The following ADGRB3 variants were observed in gnomAD, a reference collection of about 807,000 sequenced individuals.
ADGRB3 encodes the protein brain-specific angiogenesis inhibitor 3.
A neutral mutation model predicts 193.4 loss-of-function variants in ADGRB3; 37 were observed. The ratio of observed to expected loss-of-function variants is 0.19; its 90% CI spans 0.15 to 0.25. ADGRB3 has a LOEUF of 0.25. ADGRB3 is among the 10% of genes least tolerant of loss of function. The probability of loss-of-function intolerance (pLI) is 1.00; values close to 1 mark genes in which losing one functional copy is unlikely to be tolerated. For missense variants in ADGRB3, 1,637 were observed against 1,852.9 expected, an observed-to-expected ratio of 0.88 and a Z score of 2.14; for synonymous variants, 690 against 644.2, an observed-to-expected ratio of 1.07 and a Z score of -1.08.
At chr6:68,920,397 G>C (rs1767002525) in intron 3 of ADGRB3, among the ~76,000 whole-genome samples, 1 of 150,828 alleles carries the variant, frequency 6.6e-6, no homozygotes, top group African/African-American at 2.4e-5. Flanking sequence ...TGGGCTCTGT[G>C]GTCCCAGCTA....
At chr6:68,934,795 TTAATG>T (rs1318631752) in intron 4 of ADGRB3, among the ~76,000 whole-genome samples, 7 of 152,212 alleles carry the variant, frequency 4.6e-5, no homozygotes, top group African/African-American at 1.4e-4. Flanking sequence ...AGAGTATTCT[TTAATG>T]TAAAAGAACA....
intron 3 of ADGRB3, among the ~76,000 whole-genome samples, chr6:68,810,702 G>C (rs1767493821): frequency 1.3e-5 from 2 of 152,086 alleles, no homozygotes; most frequent in Non-Finnish European, 2.9e-5. Flanking sequence ...AGGTCACAAT[G>C]AGGTTAAAAG....
In ADGRB3 at chr6:68,902,824, G is replaced by A. The variant is rs542869213; in HGVS notation, c.758-27735G>A. On this transcript the variant is annotated intron_variant, in intron 3 of 31. Coordinates refer to ENST00000370598, the MANE Select transcript of ADGRB3 (RefSeq NM_001704.3). ...ATGACTGAGTAGACTAAAAGGACTAGACACTGATTAAAAGTCTTTCTCACC... is the reference window on the plus strand; with the variant it reads ...ATGACTGAGTAGACTAAAAGGACTAAACACTGATTAAAAGTCTTTCTCACC... Among the ~76,000 whole-genome samples, 37 of 152,206 alleles carry A rather than the reference G, an allele frequency of 2.4e-4. No individual in the cohort carries two copies. The Middle Eastern group carries it at 0.01, about 42-fold the overall frequency.
chr6:68,811,815 T>C (rs943532117), intron 3 of ADGRB3, among the ~76,000 whole-genome samples: 1 of 152,140 alleles, frequency 6.6e-6, no homozygotes, highest in Non-Finnish European at 1.5e-5. Flanking sequence ...TGAATGGACA[T>C]GTACTTTCTA....
intron 3 of ADGRB3, among the ~76,000 whole-genome samples, chr6:68,905,180 G>A (rs1019432830): frequency 3.9e-5 from 6 of 152,012 alleles, no homozygotes; most frequent in African/African-American, 1.4e-4. Flanking sequence ...TGTTTTAATA[G>A]TCCCCAAAAG....
chr6:68,955,698 A>G (rs140232101), intron 6 of ADGRB3, among the ~76,000 whole-genome samples: 30 of 152,238 alleles, frequency 2.0e-4, no homozygotes, highest in African/African-American at 6.7e-4. Context: ...AGGCTGAGGC[A>G]AGAGAACTGC....
intron 28 of ADGRB3, among the ~76,000 whole-genome samples, chr6:69,359,700 T>C (rs998500423): frequency 6.6e-6 from 1 of 151,924 alleles, no homozygotes; most frequent in Non-Finnish European, 1.5e-5. Flanking sequence ...TCTGAAACTT[T>C]TTATGAGGAG....
intron 3 of ADGRB3, among the ~76,000 whole-genome samples, chr6:68,919,933 G>C (rs987350697): frequency 2.0e-5 from 3 of 152,130 alleles, no homozygotes; most frequent in Non-Finnish European, 4.4e-5. Context: ...ATATTTTGCA[G>C]TTACCCTTTA....
intron 17 of ADGRB3, among the ~76,000 whole-genome samples, chr6:69,218,085 AGAAG>A (rs1206869068): frequency 1.1e-4 from 17 of 148,120 alleles, no homozygotes; most frequent in Admixed American, 2.7e-4. Context: ...AAAAAAAAAA[AGAAG>A]AAGTCAAAAC....
intron 17 of ADGRB3, among the ~76,000 whole-genome samples, chr6:69,231,889 C>G (rs1766148716): frequency 6.6e-6 from 1 of 151,986 alleles, no homozygotes; most frequent in Non-Finnish European, 1.5e-5. Flanking sequence ...AAATATATTG[C>G]TGGTAGATAC....
chr6:69,039,889 G>A (rs549662179), intron 13 of ADGRB3, among the ~76,000 whole-genome samples: 16 of 151,624 alleles, frequency 1.1e-4, no homozygotes, highest in South Asian at 2.1e-4. Flanking sequence ...CTACAGGCGC[G>A]TGCCACCACA....
intron 13 of ADGRB3, among the ~76,000 whole-genome samples, chr6:69,042,738 C>A (rs867312176): frequency 1.3e-5 from 2 of 152,118 alleles, no homozygotes; most frequent in African/African-American, 4.8e-5. Flanking sequence ...ACAAGCAATT[C>A]CATTTTGATA....
chr6:69,040,355 TTC>T (rs1255786938), intron 13 of ADGRB3, among the ~76,000 whole-genome samples: 1 of 55,494 alleles, frequency 1.8e-5, no homozygotes, highest in East Asian at 1.2e-3. Flanking sequence ...CTTTCTTTCT[TTC>T]TTTCTTTCTT....
At chr6:69,030,787 A>T (rs554765795) in intron 13 of ADGRB3, among the ~76,000 whole-genome samples, 10 of 152,208 alleles carry the variant, frequency 6.6e-5, no homozygotes, top group African/African-American at 2.4e-4. Flanking sequence ...AAAACAAAAC[A>T]CATAGACATA....
chr6:68,843,980 TA>T (rs1768221066), intron 3 of ADGRB3, among the ~76,000 whole-genome samples: 1 of 152,084 alleles, frequency 6.6e-6, no homozygotes, highest in Non-Finnish European at 1.5e-5. Flanking sequence ...GGCAGAAGAA[TA>T]AAACTAGATT....
intron 17 of ADGRB3, among the ~76,000 whole-genome samples, chr6:69,158,378 T>C (rs1455498524): frequency 6.6e-6 from 1 of 151,070 alleles, no homozygotes; most frequent in Non-Finnish European, 1.5e-5. Context: ...TAAACTTAGA[T>C]TGAAAAACAC....
intron 10 of ADGRB3, among the ~76,000 whole-genome samples, chr6:68,977,801 C>T (rs1292346908): frequency 6.6e-6 from 1 of 151,836 alleles, no homozygotes; most frequent in Admixed American, 6.6e-5. Context: ...GATGGGTGTC[C>T]ATGCCGCAGT....
intron 20 of ADGRB3, among the ~76,000 whole-genome samples, chr6:69,252,323 G>A (rs1256115304): frequency 6.6e-6 from 1 of 151,954 alleles, no homozygotes; most frequent in East Asian, 1.9e-4. Context: ...CATATGAATT[G>A]TTTTTAGTTT....
chr6:68,855,831 C>A (rs1226571642), intron 3 of ADGRB3, among the ~76,000 whole-genome samples: 1 of 152,044 alleles, frequency 6.6e-6, no homozygotes, highest in Non-Finnish European at 1.5e-5. Flanking sequence ...TCAGCCTGGG[C>A]AACAATAGTG....
Sources: allele counts gnomAD v4.1 joint callset (sites outside exome capture counted in the v4.1 genomes callset), GRCh38; gene constraint gnomAD v4.1.1; transcripts MANE v1.5; gene names NCBI Gene and HGNC (gene_info 2026-07-23, HGNC 2026-07-21).